The following NETO2 variants were observed in gnomAD, a reference collection of about 807,000 sequenced individuals.
NETO2 encodes the protein neuropilin and tolloid-like protein 2.
Under a neutral mutation model 62.5 loss-of-function variants are expected in NETO2, and 28 were observed. The observed-to-expected ratio is 0.45, with a 90% CI of 0.33 to 0.61. The LOEUF is 0.61. Among genes scored for constraint, NETO2 ranks in the 20% least tolerant of loss-of-function variants. The pLI is 0.02. For synonymous variants in NETO2, 214 were observed against 219.1 expected, an observed-to-expected ratio of 0.98 and a Z score of 0.21; for missense variants, 548 against 643.2, an observed-to-expected ratio of 0.85 and a Z score of 1.60.
intron 1 of NETO2, among the ~76,000 whole-genome samples, chr16:47,133,604 CATAAAAT>C: frequency 7.4e-6 from 1 of 135,820 alleles, no homozygotes; most frequent in African/African-American, 2.7e-5. Flanking sequence ...AATGACATAA[CATAAAAT>C]AAAATAAAAT....
intron 7 of NETO2, among the ~76,000 whole-genome samples, chr16:47,093,048 A>T (rs567275999): frequency 1.3e-4 from 19 of 152,000 alleles, no homozygotes; most frequent in Non-Finnish European, 1.9e-4. Context: ...ATGGAAGTAA[A>T]CTCTTAACTC....
chr16:47,101,583 C>A (rs959545296), intron 7 of NETO2, among the ~76,000 whole-genome samples: 7 of 152,214 alleles, frequency 4.6e-5, no homozygotes, highest in African/African-American at 1.7e-4. Flanking sequence ...GCAACTTCAG[C>A]AAAGTCTCAG....
chr16:47,084,624 G>T (rs1049701172), intron 8 of NETO2, among the ~76,000 whole-genome samples: 2 of 152,236 alleles, frequency 1.3e-5, no homozygotes, highest in African/African-American at 2.4e-5. Flanking sequence ...AAGTCCAATA[G>T]AGTAGTATTA....
rs1432982239 is a variant in NETO2 at position 47,080,385 on chromosome 16, GAC to G, written c.*2834_*2835del. 2 of 152,170 alleles carry G rather than the reference GAC, an allele frequency of 1.3e-5. No homozygotes were observed. Among genetic ancestry groups the G allele is most frequent in the Non-Finnish European group, 2.9e-5 (2 of 68,016 alleles). 9.4% of individuals were successfully genotyped at this position (152,170 alleles called of 1,614,324 possible). ...GGACACTGTGTGGGGTACCCTGCGTGACAGTTAATACTGTGTAATGAATTCCA... is the reference window on the plus strand; with the variant it reads ...GGACACTGTGTGGGGTACCCTGCGTGAGTTAATACTGTGTAATGAATTCCA... On this transcript the variant is annotated 3_prime_UTR_variant, in exon 9 of 9. Coordinates refer to ENST00000562435, the MANE Select transcript of NETO2 (RefSeq NM_018092.5).
intron 7 of NETO2, among the ~76,000 whole-genome samples, chr16:47,095,139 T>C (rs1021036133): frequency 2.6e-5 from 4 of 152,292 alleles, no homozygotes; most frequent in African/African-American, 9.6e-5. Flanking sequence ...ATAGTGAAGA[T>C]AACTTTTAAA....
intron 1 of NETO2, among the ~76,000 whole-genome samples, chr16:47,140,277 A>T (rs1964435994): frequency 6.6e-6 from 1 of 152,154 alleles, no homozygotes; most frequent in Non-Finnish European, 1.5e-5. Flanking sequence ...CAACTCAAAG[A>T]TCATAATAAT....
Position 47,083,303 on chromosome 16 carries a change from C to G in NETO2, c.1496G>C (p.Arg499Pro). The change falls in exon 9 of 9, where the codon CGA becomes CCA. Residue 499 changes from arginine to proline, a missense_variant. Coordinates refer to ENST00000562435, the MANE Select transcript of NETO2 (RefSeq NM_018092.5). ...TTCACAGGGAATCTCCTCCATTACT[C>G]GGTCTTCCAGGGCCTGCTCAGGGCA... ...HECPEQALEDRVMEEIPCEIY... is the reference protein window; with the variant it reads ...HECPEQALEDPVMEEIPCEIY... 1.2e-6 allele frequency: 2 copies of G among 1,614,218 alleles called. No individual in the cohort carries two copies. The highest frequency in any genetic ancestry group is 1.7e-6 in the Non-Finnish European group (2 of 1,180,030).
chr16:47,089,457 T>C (rs1014326874), intron 7 of NETO2, among the ~76,000 whole-genome samples: 8 of 152,236 alleles, frequency 5.3e-5, no homozygotes, highest in Admixed American at 5.2e-4. Context: ...CAAAATTTGA[T>C]GAGACTATGC....
chr16:47,086,686 G>C (rs1172297813), intron 7 of NETO2, among the ~76,000 whole-genome samples: 1 of 152,134 alleles, frequency 6.6e-6, no homozygotes, highest in African/African-American at 2.4e-5. Context: ...TCTGTACTGA[G>C]GGTGAGAATG....
intron 6 of NETO2, among the ~76,000 whole-genome samples, chr16:47,113,585 C>CTTTT (rs953891691): frequency 3.4e-4 from 36 of 106,606 alleles, no homozygotes; most frequent in East Asian, 5.4e-4. Flanking sequence ...ACAGTTTATT[C>CTTTT]TTTTTTTTTT....
chr16:47,111,757 G>C (rs1448410842), intron 6 of NETO2, among the ~76,000 whole-genome samples: 1 of 152,188 alleles, frequency 6.6e-6, no homozygotes, highest in Non-Finnish European at 1.5e-5. Flanking sequence ...GGCTGTTCTA[G>C]ACTTAGGTGA....
intron 6 of NETO2, among the ~76,000 whole-genome samples, chr16:47,110,175 T>C (rs1326775526): frequency 6.6e-6 from 1 of 152,230 alleles, no homozygotes; most frequent in African/African-American, 2.4e-5. Flanking sequence ...CATATAAAAA[T>C]GTTTTTATCT....
intron 6 of NETO2, among the ~76,000 whole-genome samples, chr16:47,114,728 A>T (rs1247000979): frequency 6.6e-6 from 1 of 151,648 alleles, no homozygotes; most frequent in African/African-American, 2.4e-5. Context: ...GGGATTACAG[A>T]TGTGAGCCAC....
chr16:47,128,626 A>G, intron 3 of NETO2, 53 bp from the exon 4 acceptor site: 2 of 1,565,590 alleles, frequency 1.3e-6, no homozygotes, highest in South Asian at 2.3e-5. Context: ...AAGAATATAA[A>G]TGTATTGACA....
At chr16:47,140,681 T>G (rs1449219992) in intron 1 of NETO2, among the ~76,000 whole-genome samples, 1 of 152,154 alleles carries the variant, frequency 6.6e-6, no homozygotes, top group Admixed American at 6.5e-5. Flanking sequence ...AGTTGATTTT[T>G]AATAAGGCTT....
rs33994080 is a variant in NETO2 at position 47,114,439 on chromosome 16, CTTTTTTTTTTTTTTTTT to C, written c.655-4745_655-4729del. Among the ~76,000 whole-genome samples the C allele has an allele frequency of 9.8e-4, 37 of 37,928 alleles. 2 individuals carry two copies. In the South Asian group the frequency reaches 0.028, roughly 29 times the overall value. 24.9% of individuals were successfully genotyped at this position (37,928 alleles called of 152,430 possible). On this transcript the variant is annotated intron_variant, in intron 6 of 8. Coordinates refer to ENST00000562435, the MANE Select transcript of NETO2 (RefSeq NM_018092.5). ...TTTCATTAGTCCAATTTATAAATTT[CTTTTTTTTTTTTTTTTT>C]TTTTTTTTTTTTGAGATGGAGTCTC...
At chr16:47,127,594 G>A (rs192102133) in intron 4 of NETO2, among the ~76,000 whole-genome samples, 6 of 152,334 alleles carry the variant, frequency 3.9e-5, no homozygotes, top group Non-Finnish European at 7.4e-5. Context: ...GGCATGCACT[G>A]GAGGCTGGAA....
At chr16:47,092,098 T>A (rs1453916462) in intron 7 of NETO2, among the ~76,000 whole-genome samples, 7 of 150,380 alleles carry the variant, frequency 4.7e-5, no homozygotes, top group Non-Finnish European at 1.0e-4. Flanking sequence ...TCTTCCCACC[T>A]TGGCCTCCCA....
At chr16:47,119,906 G>A (rs916922669) in intron 6 of NETO2, among the ~76,000 whole-genome samples, 1 of 152,162 alleles carries the variant, frequency 6.6e-6, no homozygotes, top group African/African-American at 2.4e-5. Context: ...CTGAGCACGT[G>A]TATCTGTTTT....
Sources: allele counts gnomAD v4.1 joint callset (sites outside exome capture counted in the v4.1 genomes callset), GRCh38; gene constraint gnomAD v4.1.1; transcripts MANE v1.5; gene names NCBI Gene and HGNC (gene_info 2026-07-23, HGNC 2026-07-21).